The following WRN variants were observed in gnomAD, a reference collection of about 807,000 sequenced individuals.
WRN encodes WRN RecQ like helicase, also known as bifunctional 3'-5' exonuclease/ATP-dependent helicase WRN.
WRN carries 149 observed loss-of-function variants against 180.7 expected under a neutral mutation model. The ratio of observed to expected loss-of-function variants is 0.82; its 90% CI spans 0.72 to 0.94. WRN has a LOEUF of 0.94. WRN is among the 40% of genes least tolerant of loss of function. The pLI is 0.00. For synonymous variants in WRN, 548 were observed against 568.9 expected, an observed-to-expected ratio of 0.96 and a Z score of 0.52; for missense variants, 1,661 against 1,700.1, an observed-to-expected ratio of 0.98 and a Z score of 0.40.
rs11574359 is a variant in WRN, at chr8:31,147,626, C to T, written c.3572+150C>T. 4.8e-3 allele frequency: 3,569 copies of T among 738,812 alleles called. 76 individuals are homozygous for T. In the African/African-American group the frequency reaches 0.049, roughly 10 times the overall value. 45.8% of individuals were successfully genotyped at this position (738,812 alleles called of 1,614,324 possible). A position where few individuals can be genotyped will look rare whatever the true frequency, so the allele number is the denominator to read the frequency against. On this transcript the variant is annotated intron_variant, in intron 30 of 34. Transcript: ENST00000298139. Reference sequence around the variant, plus strand: ...CCTGCTGCGATGCTTATCTCTTTGCCAAGCTTTAGTACCGTGTTTCTGTAT... The same window carrying T: ...CCTGCTGCGATGCTTATCTCTTTGCTAAGCTTTAGTACCGTGTTTCTGTAT...
At position 31,072,744 on chromosome 8, in the gene WRN, A is replaced by G. The variant is rs1812957601; in HGVS notation, c.725-3429A>G. Among the ~76,000 whole-genome samples, 3 of 152,212 alleles carry G rather than the reference A, an allele frequency of 2.0e-5. No individual in the cohort carries two copies. In the South Asian group the frequency reaches 6.2e-4, roughly 32 times the overall value. Reference sequence around the variant, plus strand: ...GGGAACGTTTATTGATGCATATAACACTTATATGTTGGGTGCTTATGTGTC... The same window carrying G: ...GGGAACGTTTATTGATGCATATAACGCTTATATGTTGGGTGCTTATGTGTC... On this transcript the variant is annotated intron_variant, in intron 7 of 34. Transcript: ENST00000298139.
At chr8:31,123,675 T>C (rs1801810774) in intron 21 of WRN, among the ~76,000 whole-genome samples, 1 of 152,152 alleles carries the variant, frequency 6.6e-6, no homozygotes, top group Non-Finnish European at 1.5e-5. Flanking sequence ...ACTAATGCTG[T>C]CCCTTAGATA....
At chr8:31,116,555 C>A in intron 20 of WRN, 27 bp downstream of exon 20, 1 of 1,612,396 alleles carries the variant, frequency 6.2e-7, no homozygotes, top group Non-Finnish European at 8.5e-7. Flanking sequence ...TCATTGCTCT[C>A]CGTTGCTCAT....
chr8:31,064,253 A>G (rs1303915810), intron 3 of WRN, 36 bp from the exon 4 acceptor site: 3 of 1,611,972 alleles, frequency 1.9e-6, no homozygotes, highest in African/African-American at 1.3e-5. Context: ...TTAAAATTTT[A>G]ACATAAATTA....
At chr8:31,051,973 T>A (rs1812091782) in intron 1 of WRN, among the ~76,000 whole-genome samples, 1 of 152,210 alleles carries the variant, frequency 6.6e-6, no homozygotes, top group Admixed American at 6.5e-5. Flanking sequence ...TAAATCCAGG[T>A]TTCAGTGTCT....
intron 1 of WRN, among the ~76,000 whole-genome samples, chr8:31,051,071 T>G (rs576891516): frequency 6.6e-5 from 10 of 152,214 alleles, no homozygotes; most frequent in African/African-American, 2.2e-4. Context: ...TCATATAACT[T>G]GACAATTTTT....
chr8:31,048,406 AG>A (rs1811951287), intron 1 of WRN, among the ~76,000 whole-genome samples: 1 of 152,170 alleles, frequency 6.6e-6, no homozygotes, highest in Admixed American at 6.5e-5. Flanking sequence ...TTCATTGAAA[AG>A]TAGAAAGAAA....
chr8:31,073,758 G>A (rs1812996924), intron 7 of WRN, among the ~76,000 whole-genome samples: 1 of 152,068 alleles, frequency 6.6e-6, no homozygotes, highest in Admixed American at 6.6e-5. Flanking sequence ...TAATGAAGGA[G>A]GGAAGTACAG....
intron 8 of WRN, among the ~76,000 whole-genome samples, chr8:31,077,236 G>A (rs1813128064): frequency 6.6e-6 from 1 of 151,998 alleles, no homozygotes; most frequent in Non-Finnish European, 1.5e-5. Flanking sequence ...GACAATTTCT[G>A]AAAGATGTAA....
At chr8:31,052,563 T>C (rs990614751) in intron 1 of WRN, among the ~76,000 whole-genome samples, 9 of 152,110 alleles carry the variant, frequency 5.9e-5, no homozygotes, top group African/African-American at 2.2e-4. Flanking sequence ...AATTTTTGTA[T>C]TTTTAGTAGA....
chr8:31,059,570 A>G (rs940946624), intron 3 of WRN, among the ~76,000 whole-genome samples: 17 of 152,182 alleles, frequency 1.1e-4, no homozygotes, highest in African/African-American at 4.1e-4. Context: ...AAGATGTTAT[A>G]TATAGAGCTA....
rs1585447306 is a variant in WRN, at chr8:31,095,563, T to A, written c.1899-1205T>A. On this transcript the variant is annotated intron_variant, in intron 16 of 34. Coordinates refer to ENST00000298139, the MANE Select transcript of WRN (RefSeq NM_000553.6). ...AGATTTACGATTCATTTTTAGTAAA[T>A]GTTGTCTATTGTATGAGGTATTGAT... Among the ~76,000 whole-genome samples, 3 of 152,226 alleles carry A rather than the reference T, an allele frequency of 2.0e-5. No homozygotes were observed. In the East Asian group the frequency reaches 5.8e-4, roughly 29 times the overall value.
intron 11 of WRN, chr8:31,087,511 T>C (rs973121767): frequency 1.1e-5 from 4 of 350,616 alleles, no homozygotes; most frequent in Non-Finnish European, 2.1e-5. Context: ...AAATTTATGA[T>C]AGCTTTCCCC....
At position 31,147,421 on chromosome 8, in the gene WRN, G is replaced by A. The variant is rs971816710; in HGVS notation, c.3517G>A (p.Val1173Ile). The change falls in exon 30 of 35, where the codon GTT becomes ATT. Residue 1173 changes from valine (V) to isoleucine (I), a missense_variant. By Grantham distance (29) the Val-to-Ile change is conservative. Transcript: ENST00000298139. ...GCAGAAACATGCCAATAAAATGGAT[G>A]TTCCCCCAGCTATTCTGGCAACAAA... ...ARQKHANKMD[V>I]PPAILATNKI... 1 of 1,614,040 alleles carries A rather than the reference G, an allele frequency of 6.2e-7. No individual in the cohort carries two copies. Among genetic ancestry groups the A allele is most frequent in the South Asian group, 1.1e-5 (1 of 91,080 alleles).
chr8:31,105,450 T>C (rs1227613075), intron 18 of WRN, among the ~76,000 whole-genome samples: 23 of 60,710 alleles, frequency 3.8e-4, no homozygotes. Context: ...CAACATACAG[T>C]TTTATGTTAT....
intron 33 of WRN, among the ~76,000 whole-genome samples, chr8:31,162,594 T>C (rs1803674033): frequency 6.6e-6 from 1 of 152,244 alleles, no homozygotes; most frequent in African/African-American, 2.4e-5. Flanking sequence ...TATTATATAC[T>C]GTACATAATT....
intron 19 of WRN, among the ~76,000 whole-genome samples, chr8:31,115,404 A>T (rs1162641892): frequency 6.6e-6 from 1 of 152,202 alleles, no homozygotes; most frequent in Non-Finnish European, 1.5e-5. Flanking sequence ...TAAAGGTTTT[A>T]TAATTTTTTT....
intron 19 of WRN, among the ~76,000 whole-genome samples, chr8:31,114,686 A>G (rs1301950150): frequency 6.6e-6 from 1 of 152,062 alleles, no homozygotes; most frequent in African/African-American, 2.4e-5. Context: ...GCAGATATAT[A>G]GTTGCAGTTT....
intron 23 of WRN, among the ~76,000 whole-genome samples, chr8:31,130,614 T>C (rs1210809659): frequency 3.1e-5 from 1 of 31,792 alleles, no homozygotes; most frequent in Non-Finnish European, 6.5e-5. Context: ...AGCATAGGAT[T>C]TGGGTTTTTT....
Sources: allele counts gnomAD v4.1 joint callset (sites outside exome capture counted in the v4.1 genomes callset), GRCh38; gene constraint gnomAD v4.1.1; transcripts MANE v1.5; gene names NCBI Gene and HGNC (gene_info 2026-07-23, HGNC 2026-07-21).